Variants in MAPK6 observed in about 807,000 individuals in gnomAD.
MAPK6 encodes mitogen-activated protein kinase 6.
In MAPK6, 19 loss-of-function variants were observed where a neutral mutation model predicts 59.3. That is an observed-to-expected ratio of 0.32 (90% CI 0.22 to 0.47). MAPK6 has a LOEUF of 0.47. MAPK6 is among the 20% of genes least tolerant of loss of function. The pLI, the probability that MAPK6 is intolerant of heterozygous loss-of-function variation, is 1.00. For missense variants in MAPK6, 724 were observed against 847.9 expected (o/e 0.85, Z 1.81); for synonymous variants, 316 against 290.3 (o/e 1.09, Z -0.90).
intron 2 of MAPK6, among the ~76,000 whole-genome samples, chr15:51,990,764 C>T (rs2057205535): frequency 6.6e-6 from 1 of 152,210 alleles, no homozygotes; most frequent in Non-Finnish European, 1.5e-5. Flanking sequence ...TTCTGGCTAA[C>T]ACAGTGAAAT....
intron 2 of MAPK6, among the ~76,000 whole-genome samples, chr15:52,000,807 A>T (rs1475314843): frequency 6.6e-6 from 1 of 152,144 alleles, no homozygotes; most frequent in Non-Finnish European, 1.5e-5. Context: ...TTCAAAAAAA[A>T]AAAAAATTCA....
At chr15:51,988,321 A>C (rs910080566) in intron 2 of MAPK6, among the ~76,000 whole-genome samples, 1 of 152,182 alleles carries the variant, frequency 6.6e-6, no homozygotes, top group Non-Finnish European at 1.5e-5. Context: ...ATATAGGCTA[A>C]AAAAGGAGAG....
chr15:51,976,667 G>A (rs1283401773), intron 1 of MAPK6, among the ~76,000 whole-genome samples: 1 of 151,788 alleles, frequency 6.6e-6, no homozygotes, highest in Admixed American at 6.6e-5. Flanking sequence ...GAAGGAGGCC[G>A]GGTGTGGTGG....
rs1404338846 is a variant in MAPK6 at position 52,032,095 on chromosome 15, C to T, written c.-632+12719C>T. ...TTCACCATGTTAGCCAGGATGGTCTCGATCTCCTGACCTCATGATCCGCCT... is the reference window on the plus strand; with the variant it reads ...TTCACCATGTTAGCCAGGATGGTCTTGATCTCCTGACCTCATGATCCGCCT... On this transcript the variant is annotated intron_variant, in intron 1 of 5. Coordinates refer to ENST00000261845, the MANE Select transcript of MAPK6 (RefSeq NM_002748.4). 3.3e-5 allele frequency among the ~76,000 whole-genome samples: 5 copies of T among 151,744 alleles called. No homozygotes were observed. In the East Asian group the frequency reaches 7.8e-4, roughly 24 times the overall value.
chr15:52,044,942 T>A lies in MAPK6; in HGVS notation c.-631-888T>A, dbSNP rs1176898337. On this transcript the variant is annotated intron_variant, in intron 1 of 5. Coordinates refer to ENST00000261845, the MANE Select transcript of MAPK6 (RefSeq NM_002748.4). ...TTTTTTTTCCTTTTTTTTTTTTTTT[T>A]AGTTTTGCAATATACATATGTACTT... is the stretch of plus-strand genomic sequence containing the variant. 2.7e-5 allele frequency among the ~76,000 whole-genome samples: 4 copies of A among 147,058 alleles called. No homozygotes were observed. The South Asian group carries it at 8.5e-4, about 31-fold the overall frequency.
intron 1 of MAPK6, among the ~76,000 whole-genome samples, chr15:52,042,096 C>G (rs1053754480): frequency 6.6e-6 from 1 of 152,164 alleles, no homozygotes. Flanking sequence ...AGAGGTACAG[C>G]ATTACTCGCA....
chr15:52,061,555 A>C, intron 5 of MAPK6, 55 bp downstream of exon 5: 1 of 1,294,210 alleles, frequency 7.7e-7, no homozygotes, highest in Non-Finnish European at 1.1e-6. Flanking sequence ...AGTGGACCAT[A>C]TGTAGTGAGT....
chr15:51,984,402 C>A (rs1299479636), intron 2 of MAPK6, among the ~76,000 whole-genome samples: 1 of 150,780 alleles, frequency 6.6e-6, no homozygotes, highest in African/African-American at 2.5e-5. Flanking sequence ...CTGCCTCAGC[C>A]GCCCGAGTAG....
chr15:51,981,195 C>T (rs553276703), intron 1 of MAPK6, among the ~76,000 whole-genome samples: 3 of 151,354 alleles, frequency 2.0e-5, no homozygotes, highest in African/African-American at 4.8e-5. Flanking sequence ...ACTTATCGGC[C>T]GGGTGCGGTG....
intron 5 of MAPK6, among the ~76,000 whole-genome samples, chr15:52,062,580 CGT>C (rs2032245381): frequency 6.6e-6 from 1 of 152,014 alleles, no homozygotes; most frequent in South Asian, 2.1e-4. Flanking sequence ...GCCTGGCTAA[CGT>C]GGTGAAACCC....
intron 1 of MAPK6, among the ~76,000 whole-genome samples, chr15:52,044,124 G>C (rs190574785): frequency 6.6e-6 from 1 of 151,988 alleles, no homozygotes; most frequent in East Asian, 1.9e-4. Context: ...CAACTTTTAA[G>C]TGTTTTATTA....
chr15:52,007,461 G>A (rs1404110937), intron 3 of MAPK6, among the ~76,000 whole-genome samples: 1 of 152,070 alleles, frequency 6.6e-6, no homozygotes, highest in Non-Finnish European at 1.5e-5. Flanking sequence ...CTCTTGACTT[G>A]TTACAGTGTT....
intron 2 of MAPK6, among the ~76,000 whole-genome samples, chr15:51,985,991 G>A (rs2057190133): frequency 2.6e-5 from 4 of 151,758 alleles, no homozygotes; most frequent in Admixed American, 2.6e-4. Flanking sequence ...CAAAAAAATT[G>A]TATGTCACTG....
At chr15:52,058,553 A>G (rs940165241) in intron 3 of MAPK6, 80 bp from the exon 4 acceptor site, 1 of 1,217,372 alleles carries the variant, frequency 8.2e-7, no homozygotes. Context: ...TCATTATAAT[A>G]TTTAAATTAG....
At chr15:51,976,035 GGC>G (rs2057156245) in intron 1 of MAPK6, among the ~76,000 whole-genome samples, 1 of 151,728 alleles carries the variant, frequency 6.6e-6, no homozygotes, top group Admixed American at 6.6e-5. Context: ...GGGAGGCCGA[GGC>G]GGGCGGATCA....
chr15:52,023,786 A>T (rs1008223614), intron 1 of MAPK6, among the ~76,000 whole-genome samples: 1 of 151,624 alleles, frequency 6.6e-6, no homozygotes, highest in East Asian at 1.9e-4. Context: ...TAATTTTTGT[A>T]TTTTTTTTAG....
chr15:52,044,462 G>C (rs1378902485), intron 1 of MAPK6, among the ~76,000 whole-genome samples: 1 of 152,108 alleles, frequency 6.6e-6, no homozygotes, highest in Non-Finnish European at 1.5e-5. Context: ...TATAGTAGTT[G>C]CTCAATATAT....
intron 1 of MAPK6, among the ~76,000 whole-genome samples, chr15:52,023,873 A>G (rs927544542): frequency 6.6e-6 from 1 of 152,190 alleles, no homozygotes. Flanking sequence ...GGGCCTCCCA[A>G]AGTGCTGGGA....
intron 2 of MAPK6, among the ~76,000 whole-genome samples, chr15:51,998,237 C>T (rs995408907): frequency 6.6e-6 from 1 of 151,918 alleles, no homozygotes; most frequent in Non-Finnish European, 1.5e-5. Context: ...CAACTGCACC[C>T]AGCCTAAAGT....
Sources: allele counts gnomAD v4.1 joint callset (sites outside exome capture counted in the v4.1 genomes callset), GRCh38; gene constraint gnomAD v4.1.1; transcripts MANE v1.5; gene names NCBI Gene and HGNC (gene_info 2026-07-23, HGNC 2026-07-21).